CAP2: variants seen among roughly 807,000 people sequenced by gnomAD.
CAP2 encodes cyclase associated actin cytoskeleton regulatory protein 2.
Under a neutral mutation model 57.7 loss-of-function variants are expected in CAP2, and 24 were observed. That is an observed-to-expected ratio of 0.42 (90% CI 0.30 to 0.58). The LOEUF is 0.58. Among genes scored for constraint, CAP2 ranks in the 20% least tolerant of loss-of-function variants. The pLI, the probability that CAP2 is intolerant of heterozygous loss-of-function variation, is 0.22. For synonymous variants in CAP2, 194 were observed against 207.2 expected (o/e 0.94, Z 0.55); for missense variants, 501 against 590.3 (o/e 0.85, Z 1.57).
At chr6:17,396,533 A>G (rs1467106840) in intron 1 of CAP2, among the ~76,000 whole-genome samples, 1 of 152,214 alleles carries the variant, frequency 6.6e-6, no homozygotes, top group Non-Finnish European at 1.5e-5. Context: ...ATGCTAAGTG[A>G]AAGAAGCCAG....
intron 2 of CAP2, among the ~76,000 whole-genome samples, chr6:17,423,107 G>T (rs1474919095): frequency 6.6e-6 from 1 of 152,048 alleles, no homozygotes; most frequent in African/African-American, 2.4e-5. Context: ...GTTTTTTTGG[G>T]CTGAGAAAAG....
At position 17,556,382 on chromosome 6, in the gene CAP2, G is replaced by C; in HGVS notation, c.1374G>C (p.Gln458His). 1 of 1,613,578 alleles carries C rather than the reference G, an allele frequency of 6.2e-7. No homozygotes were observed. Among genetic ancestry groups the C allele is most frequent in the Non-Finnish European group, 8.5e-7 (1 of 1,179,518 alleles). ...GDYREFPIPE[Q>H]FKTAWDGSKL... The stretch of plus-strand genomic sequence containing the variant: ...AGAGAGAATTTCCCATTCCTGAACA[G>C]TTCAAGACAGCATGGGATGGATCCA... Residue 458 changes from glutamine (Q) to histidine (H), a missense_variant, in exon 13 of 13, where the codon CAG (glutamine) becomes CAC (histidine). Physicochemically the swap from Gln to His is conservative, Grantham distance 24. Transcript: ENST00000229922.
chr6:17,409,209 T>C (rs1759071892), intron 1 of CAP2, among the ~76,000 whole-genome samples: 1 of 151,474 alleles, frequency 6.6e-6, no homozygotes, highest in Non-Finnish European at 1.5e-5. Context: ...CCATCTCTAC[T>C]AAAAATACAA....
chr6:17,399,074 G>C (rs1198760930), intron 1 of CAP2, among the ~76,000 whole-genome samples: 1 of 151,642 alleles, frequency 6.6e-6, no homozygotes, highest in Non-Finnish European at 1.5e-5. Context: ...AGCTTTGTTT[G>C]TTTGTTTTTG....
At chr6:17,431,900 T>TA (rs1460216563) in intron 3 of CAP2, among the ~76,000 whole-genome samples, 1 of 151,922 alleles carries the variant, frequency 6.6e-6, no homozygotes, top group Non-Finnish European at 1.5e-5. Context: ...TCATCACCAT[T>TA]ATAAAGAGCA....
intron 3 of CAP2, among the ~76,000 whole-genome samples, chr6:17,431,128 A>T (rs1239688532): frequency 6.6e-6 from 1 of 152,130 alleles, no homozygotes; most frequent in Non-Finnish European, 1.5e-5. Flanking sequence ...AAAGAAGGGG[A>T]CAATAGACAG....
intron 3 of CAP2, among the ~76,000 whole-genome samples, chr6:17,437,448 C>T (rs1759924987): frequency 6.6e-6 from 1 of 152,204 alleles, no homozygotes; most frequent in Non-Finnish European, 1.5e-5. Flanking sequence ...ATGAGTGTGT[C>T]TGTTTCCCCA....
chr6:17,394,699 T>C (rs946941791), intron 1 of CAP2, among the ~76,000 whole-genome samples: 5 of 152,236 alleles, frequency 3.3e-5, no homozygotes, highest in East Asian at 1.9e-4. Flanking sequence ...GTAGATTTCA[T>C]TGAAGCTATG....
chr6:17,495,559 G>C (rs1761642847), intron 4 of CAP2, among the ~76,000 whole-genome samples: 1 of 152,088 alleles, frequency 6.6e-6, no homozygotes, highest in Non-Finnish European at 1.5e-5. Context: ...TCAAAATCCA[G>C]GCTCAGCAGT....
intron 4 of CAP2, among the ~76,000 whole-genome samples, chr6:17,503,312 T>C (rs1761878746): frequency 6.6e-6 from 1 of 152,068 alleles, no homozygotes; most frequent in Non-Finnish European, 1.5e-5. Flanking sequence ...CCTCTTCTTA[T>C]AAAGACACCA....
intron 7 of CAP2, among the ~76,000 whole-genome samples, chr6:17,523,303 A>C (rs1436720898): frequency 6.6e-6 from 1 of 152,168 alleles, no homozygotes; most frequent in Non-Finnish European, 1.5e-5. Context: ...TGGTAATATA[A>C]AAATAGGGAA....
intron 3 of CAP2, among the ~76,000 whole-genome samples, chr6:17,460,855 ACT>A (rs1760700256): frequency 1.3e-5 from 2 of 152,066 alleles, no homozygotes; most frequent in Non-Finnish European, 2.9e-5. Flanking sequence ...TTATTTTAAA[ACT>A]CTAATCTTTG....
intron 4 of CAP2, among the ~76,000 whole-genome samples, chr6:17,494,462 G>C (rs1039372389): frequency 6.6e-6 from 1 of 152,042 alleles, no homozygotes; most frequent in Non-Finnish European, 1.5e-5. Context: ...CCTTCCTCCA[G>C]ATGTCTACAT....
intron 1 of CAP2, among the ~76,000 whole-genome samples, chr6:17,411,871 G>A (rs1471363780): frequency 6.6e-6 from 1 of 152,134 alleles, no homozygotes; most frequent in Non-Finnish European, 1.5e-5. Flanking sequence ...CAAGCGCAAA[G>A]GGGCAACGTG....
At chr6:17,415,306 A>T (rs952868353) in intron 1 of CAP2, among the ~76,000 whole-genome samples, 1 of 152,028 alleles carries the variant, frequency 6.6e-6, no homozygotes, top group African/African-American at 2.4e-5. Flanking sequence ...AATTTACAAA[A>T]CCCTTTAGAC....
chr6:17,503,286 GTC>G (rs1351909643), intron 4 of CAP2, among the ~76,000 whole-genome samples: 5 of 152,274 alleles, frequency 3.3e-5, no homozygotes, highest in Admixed American at 3.3e-4. Context: ...CTCTGTGTGT[GTC>G]TCTGTCTTCA....
intron 7 of CAP2, among the ~76,000 whole-genome samples, chr6:17,535,284 T>C (rs886816958): frequency 6.6e-6 from 1 of 151,582 alleles, no homozygotes; most frequent in Non-Finnish European, 1.5e-5. Flanking sequence ...CTTTTTTTTT[T>C]TTTTTTTGAG....
intron 4 of CAP2, among the ~76,000 whole-genome samples, chr6:17,486,373 G>A (rs1049695185): frequency 2.6e-5 from 4 of 152,218 alleles, no homozygotes; most frequent in African/African-American, 9.6e-5. Context: ...GGAGGCTAAG[G>A]CGGGTGGGTA....
chr6:17,424,149 C>T (rs1759518111), intron 2 of CAP2, among the ~76,000 whole-genome samples: 1 of 152,004 alleles, frequency 6.6e-6, no homozygotes, highest in African/African-American at 2.4e-5. Context: ...CGCCTGTAAT[C>T]CAGCACTTTG....
Sources: gnomAD v4.1 joint callset for allele counts (sites outside exome capture counted in the v4.1 genomes callset) on GRCh38, gnomAD v4.1.1 for gene constraint, MANE v1.5 for transcripts, NCBI Gene and HGNC (gene_info 2026-07-23, HGNC 2026-07-21) for gene names.